The following POU6F2 variants were observed in gnomAD, a reference collection of about 807,000 sequenced individuals.
POU6F2 encodes the protein POU class 6 homeobox 2.
A neutral mutation model predicts 71.3 loss-of-function variants in POU6F2; 31 were observed. The observed-to-expected ratio is 0.43, with a 90% CI of 0.33 to 0.59. The LOEUF (loss-of-function observed/expected upper bound fraction) is 0.59. POU6F2 is among the 20% of genes least tolerant of loss of function. The pLI, the probability that POU6F2 is intolerant of heterozygous loss-of-function variation, is 0.04. For synonymous variants in POU6F2, 347 were observed against 355.7 expected (o/e 0.98, Z 0.27); for missense variants, 783 against 856.8 (o/e 0.91, Z 1.07).
chr7:39,097,128 C>T (rs1791471054), intron 2 of POU6F2, among the ~76,000 whole-genome samples: 1 of 152,020 alleles, frequency 6.6e-6, no homozygotes, highest in Non-Finnish European at 1.5e-5. Flanking sequence ...TTATATTTGT[C>T]ATTTTATGCC....
chr7:39,399,162 C>G (rs774170339), intron 5 of POU6F2, among the ~76,000 whole-genome samples: 1 of 152,202 alleles, frequency 6.6e-6, no homozygotes, highest in Non-Finnish European at 1.5e-5. Flanking sequence ...ATTGCCGCCC[C>G]CTCCAGGTCT....
At chr7:39,291,143 G>A (rs1784749489) in intron 4 of POU6F2, among the ~76,000 whole-genome samples, 2 of 152,006 alleles carry the variant, frequency 1.3e-5, no homozygotes, top group African/African-American at 2.4e-5. Context: ...AGCTGATAAC[G>A]TATAGCATTT....
At chr7:39,462,191 CAG>C (rs1419777518) in intron 9 of POU6F2, among the ~76,000 whole-genome samples, 1 of 152,158 alleles carries the variant, frequency 6.6e-6, no homozygotes, top group African/African-American at 2.4e-5. Flanking sequence ...AGTCTACCCC[CAG>C]AGAGAGGTCA....
intron 2 of POU6F2, among the ~76,000 whole-genome samples, chr7:39,194,742 T>G (rs894227607): frequency 6.6e-6 from 1 of 152,210 alleles, no homozygotes; most frequent in Non-Finnish European, 1.5e-5. Context: ...TGGTGCTCCC[T>G]CTTTGCTTCC....
At chr7:39,010,915 A>G (rs1471981235) in intron 1 of POU6F2, among the ~76,000 whole-genome samples, 1 of 151,718 alleles carries the variant, frequency 6.6e-6, no homozygotes, top group East Asian at 1.9e-4. Flanking sequence ...CTGTTCTTTT[A>G]CATTTGCTGA....
intron 2 of POU6F2, among the ~76,000 whole-genome samples, chr7:39,151,086 G>A (rs1194350043): frequency 6.6e-6 from 1 of 151,980 alleles, no homozygotes; most frequent in Admixed American, 6.6e-5. Context: ...ATGGGAGGTA[G>A]GGACTTCTGC....
rs965596635 is a variant in POU6F2, at chr7:39,357,348, G to A, written c.972+17333G>A. Among the ~76,000 whole-genome samples the A allele has an allele frequency of 2.6e-5, 4 of 152,162 alleles. No homozygotes were observed. The East Asian group carries it at 7.7e-4, about 29-fold the overall frequency. ...TGCCAGGCACTGTCCTAGGTGTTTT[G>A]GGTATGTTTTTCTACGAATGCCATG... On this transcript the variant is annotated intron_variant, in intron 5 of 9. Transcript: ENST00000518318.
In POU6F2 at chr7:39,410,181, C is replaced by G. The variant is rs531533722; in HGVS notation, c.1113+3441C>G. Among the ~76,000 whole-genome samples, 6 of 152,248 alleles carry G rather than the reference C, an allele frequency of 3.9e-5. No individual in the cohort carries two copies. In the South Asian group the frequency reaches 6.2e-4, roughly 16 times the overall value. ...TGGACAACACGGCGAATCTCTGCCT[C>G]TACAAAAAAATTAGCTGGGTCTGGT... On this transcript the variant is annotated intron_variant, in intron 6 of 9. Transcript: ENST00000518318.
intron 4 of POU6F2, among the ~76,000 whole-genome samples, chr7:39,227,316 G>A (rs773973692): frequency 2.6e-5 from 4 of 151,074 alleles, no homozygotes; most frequent in African/African-American, 4.9e-5. Context: ...AAGTTTTCTC[G>A]TCTTTATTTT....
chr7:39,240,992 T>C (rs1783715148), intron 4 of POU6F2, among the ~76,000 whole-genome samples: 1 of 152,150 alleles, frequency 6.6e-6, no homozygotes, highest in African/African-American at 2.4e-5. Flanking sequence ...GCCCACCTTC[T>C]TGGGCATATT....
At chr7:39,437,784 C>T (rs1788285620) in intron 7 of POU6F2, among the ~76,000 whole-genome samples, 1 of 152,152 alleles carries the variant, frequency 6.6e-6, no homozygotes, top group African/African-American at 2.4e-5. Context: ...CCCCTTAACA[C>T]TGCCTTAGCT....
chr7:39,175,366 A>T (rs2128740070), intron 2 of POU6F2, among the ~76,000 whole-genome samples: 1 of 152,250 alleles, frequency 6.6e-6, no homozygotes, highest in Admixed American at 6.5e-5. Context: ...CATATATTTT[A>T]TTGTCCAAAC....
At chr7:39,418,993 A>ATG (rs796451279) in intron 6 of POU6F2, among the ~76,000 whole-genome samples, 8,899 of 133,972 alleles carry the variant, frequency 0.066, 769 homozygotes, top group African/African-American at 0.21. Flanking sequence ...ATGTGTATAT[A>ATG]TGTGTATATA....
chr7:39,046,351 C>T (rs569814260), intron 1 of POU6F2, among the ~76,000 whole-genome samples: 2 of 151,984 alleles, frequency 1.3e-5, no homozygotes, highest in South Asian at 4.1e-4. Context: ...GATACAAGCA[C>T]TTTGTCGGAA....
chr7:39,180,768 A>C (rs1163271883), intron 2 of POU6F2, among the ~76,000 whole-genome samples: 1 of 152,046 alleles, frequency 6.6e-6, no homozygotes, highest in African/African-American at 2.4e-5. Flanking sequence ...TTGTTTTTGC[A>C]CTGGGCCCCA....
chr7:39,271,516 C>G (rs1283678330), intron 4 of POU6F2, among the ~76,000 whole-genome samples: 5 of 145,846 alleles, frequency 3.4e-5, no homozygotes, highest in Non-Finnish European at 3.0e-5. Flanking sequence ...AAAAAAAACC[C>G]TATGACCAAG....
chr7:39,027,824 T>C (rs1789848090), intron 1 of POU6F2, among the ~76,000 whole-genome samples: 1 of 152,226 alleles, frequency 6.6e-6, no homozygotes, highest in African/African-American at 2.4e-5. Flanking sequence ...CATTGCTTTG[T>C]ACATTCTGGA....
chr7:39,080,936 A>G (rs1791106965), intron 1 of POU6F2, among the ~76,000 whole-genome samples: 1 of 152,174 alleles, frequency 6.6e-6, no homozygotes. Flanking sequence ...TTTATGTGGT[A>G]TTATTTTTAG....
chr7:39,353,656 G>C (rs952156897), intron 5 of POU6F2, among the ~76,000 whole-genome samples: 6 of 152,164 alleles, frequency 3.9e-5, no homozygotes, highest in African/African-American at 1.4e-4. Flanking sequence ...GGGACGTTTT[G>C]AGAGAATGAC....
Sources: allele counts gnomAD v4.1 joint callset (sites outside exome capture counted in the v4.1 genomes callset), GRCh38; gene constraint gnomAD v4.1.1; transcripts MANE v1.5; gene names NCBI Gene and HGNC (gene_info 2026-07-23, HGNC 2026-07-21).